ARV1: variants seen among roughly 807,000 people sequenced by gnomAD.
ARV1 encodes ARV1 fatty acid homeostasis modulator.
A neutral mutation model predicts 31.1 loss-of-function variants in ARV1; 26 were observed. The observed-to-expected ratio is 0.84, with a 90% confidence interval of 0.61 to 1.16. The LOEUF is 1.16. Among genes scored for constraint, ARV1 ranks in the 50% most tolerant of loss-of-function variants. The probability of loss-of-function intolerance (pLI) is 0.00; values close to 1 mark genes in which losing one functional copy is unlikely to be tolerated. For missense variants in ARV1, 281 were observed against 324.9 expected (o/e 0.86, Z 1.04); for synonymous variants, 117 against 123.2 (o/e 0.95, Z 0.34).
chr1:230,991,877 C>T (rs1679238069), intron 3 of ARV1, among the ~76,000 whole-genome samples: 1 of 152,180 alleles, frequency 6.6e-6, no homozygotes, highest in Non-Finnish European at 1.5e-5. Context: ...ATCCGTCCGC[C>T]TCTGCCTCCC....
chr1:230,989,982 G>A, intron 2 of ARV1, 128 bp from the exon 3 acceptor site: 1 of 896,468 alleles, frequency 1.1e-6, no homozygotes, highest in Non-Finnish European at 1.7e-6. Context: ...ACTACAATTA[G>A]CCACTTAATT....
At chr1:230,998,081 C>A (rs61828277) in intron 5 of ARV1, among the ~76,000 whole-genome samples, 14,178 of 152,296 alleles carry the variant, frequency 0.093, 669 homozygotes, top group South Asian at 0.17. Context: ...CTCCTTCTCT[C>A]CTTCCTATCT....
chr1:230,994,792 C>T (rs1368242356), intron 3 of ARV1, among the ~76,000 whole-genome samples: 1 of 152,164 alleles, frequency 6.6e-6, no homozygotes, highest in African/African-American at 2.4e-5. Context: ...GATCCGCCTG[C>T]CTCGGCCTCC....
chr1:230,997,140 T>G lies in ARV1; in HGVS notation c.693T>G (p.Arg231=). Residue 231 remains arginine, a synonymous_variant, in exon 5 of 6, where the codon CGT becomes CGG. Coordinates refer to ENST00000310256, the MANE Select transcript of ARV1 (RefSeq NM_022786.3). ...QAIRVTLNIN[R]KLSFLAVLSG... Reference sequence around the variant, plus strand: ...TTCCAGTGACCCTAAACATCAACCGTAAGCTCTCCTTCTTGGCCGTGTTGA... The same window carrying G: ...TTCCAGTGACCCTAAACATCAACCGGAAGCTCTCCTTCTTGGCCGTGTTGA... 6.2e-7 allele frequency: 1 copy of G among 1,614,140 alleles called. No individual in the cohort carries two copies. The highest frequency in any genetic ancestry group is 8.5e-7 in the Non-Finnish European group (1 of 1,180,016).
intron 3 of ARV1, among the ~76,000 whole-genome samples, chr1:230,991,116 A>G (rs915839896): frequency 2.0e-5 from 3 of 152,202 alleles, no homozygotes; most frequent in East Asian, 1.9e-4. Flanking sequence ...ATTTCACTTC[A>G]TAAGTTATTG....
Position 230,981,177 on chromosome 1 carries a change from C to T in ARV1, c.174+1898C>T, listed in dbSNP as rs1388908969. 2.0e-5 allele frequency among the ~76,000 whole-genome samples: 3 copies of T among 152,316 alleles called. No individual in the cohort carries two copies. In the East Asian group the frequency reaches 5.8e-4, roughly 29 times the overall value. ...ACCTCTTAATCATGGTGTATTCCAA[C>T]GCATAGTCATCGTGCCTCTTTCTGT... On this transcript the variant is annotated intron_variant, in intron 1 of 5. Coordinates refer to ENST00000310256, the MANE Select transcript of ARV1 (RefSeq NM_022786.3).
At chr1:230,992,282 C>T (rs1679248950) in intron 3 of ARV1, among the ~76,000 whole-genome samples, 1 of 152,126 alleles carries the variant, frequency 6.6e-6, no homozygotes, top group Admixed American at 6.5e-5. Context: ...GCTTCAGAAA[C>T]ACTGGATGAG....
At chr1:230,999,422 T>C (rs113614052) in intron 5 of ARV1, among the ~76,000 whole-genome samples, 100 of 152,292 alleles carry the variant, frequency 6.6e-4, no homozygotes, top group African/African-American at 2.2e-3. Context: ...CTGGGGGCCT[T>C]CTCAATTTTT....
chr1:230,992,440 C>G (rs1679255126), intron 3 of ARV1, among the ~76,000 whole-genome samples: 2 of 152,336 alleles, frequency 1.3e-5, no homozygotes, highest in African/African-American at 4.8e-5. Flanking sequence ...CTCCTGATCT[C>G]CTGTTCCGGC....
At chr1:230,983,614 C>T (rs1678974002) in intron 1 of ARV1, among the ~76,000 whole-genome samples, 1 of 152,038 alleles carries the variant, frequency 6.6e-6, no homozygotes. Context: ...CACAGCCCTA[C>T]CCTTGAGGAG....
chr1:230,997,069 G>A (rs1342927988), intron 4 of ARV1, 52 bp from the exon 5 acceptor site: 1 of 1,587,628 alleles, frequency 6.3e-7, no homozygotes, highest in Non-Finnish European at 8.6e-7. Flanking sequence ...AAATTTACAT[G>A]TCAATATCGT....
intron 1 of ARV1, among the ~76,000 whole-genome samples, chr1:230,984,821 G>C (rs1192166481): frequency 2.6e-5 from 4 of 152,216 alleles, no homozygotes. Flanking sequence ...TAGATATAGG[G>C]TCTATGCCGG....
intron 5 of ARV1, among the ~76,000 whole-genome samples, chr1:230,998,292 G>T: frequency 6.6e-6 from 1 of 152,156 alleles, no homozygotes. Flanking sequence ...TTGAGGCTGC[G>T]CTTTGGTCTC....
At chr1:230,983,502 A>C (rs1298323425) in intron 1 of ARV1, among the ~76,000 whole-genome samples, 1 of 152,066 alleles carries the variant, frequency 6.6e-6, no homozygotes, top group Non-Finnish European at 1.5e-5. Flanking sequence ...TATTATGTTA[A>C]CAAAACAAAA....
chr1:230,999,804 C>CA (rs1264193401), intron 5 of ARV1: 3 of 152,202 alleles, frequency 2.0e-5, no homozygotes, highest in African/African-American at 4.8e-5. Context: ...GCCCCAGGGT[C>CA]AGATCTTTTG....
intron 5 of ARV1, chr1:230,999,730 C>T (rs995892302): frequency 2.6e-5 from 4 of 152,122 alleles, no homozygotes; most frequent in African/African-American, 7.2e-5. Context: ...TTACTTTTTC[C>T]GTTGACCTCC....
At chr1:230,989,545 T>A (rs6541249) in intron 2 of ARV1, among the ~76,000 whole-genome samples, 1 of 152,080 alleles carries the variant, frequency 6.6e-6, no homozygotes, top group East Asian at 1.9e-4. Context: ...ATTTCAGACT[T>A]TTAAGAATTA....
At chr1:230,981,988 T>C (rs1481586101) in intron 1 of ARV1, among the ~76,000 whole-genome samples, 1 of 152,228 alleles carries the variant, frequency 6.6e-6, no homozygotes, top group East Asian at 1.9e-4. Context: ...TATGATATGC[T>C]TCCCAGCTTT....
At chr1:230,987,564 G>T (rs1464628379) in intron 1 of ARV1, among the ~76,000 whole-genome samples, 1 of 152,140 alleles carries the variant, frequency 6.6e-6, no homozygotes, top group Non-Finnish European at 1.5e-5. Flanking sequence ...ACCCTTCAGG[G>T]GGGAATAAAG....
Sources: allele counts gnomAD v4.1 joint callset (sites outside exome capture counted in the v4.1 genomes callset), GRCh38; gene constraint gnomAD v4.1.1; transcripts MANE v1.5; gene names NCBI Gene and HGNC (gene_info 2026-07-23, HGNC 2026-07-21).